TTC27: variants seen among roughly 807,000 people sequenced by gnomAD.
TTC27 encodes tetratricopeptide repeat protein 27.
In TTC27, 79 loss-of-function variants were observed where a neutral mutation model predicts 115.9. That is an observed-to-expected ratio of 0.68 (90% CI 0.57 to 0.82). The LOEUF (loss-of-function observed/expected upper bound fraction) is 0.82, where lower values mean the gene tolerates loss of function less well. TTC27 is among the 40% of genes least tolerant of loss of function. The probability of loss-of-function intolerance (pLI) is 0.00; values close to 1 mark genes in which losing one functional copy is unlikely to be tolerated. For missense variants in TTC27, 1,054 were observed against 993.1 expected (o/e 1.06, Z -0.82); for synonymous variants, 401 against 356.0 (o/e 1.13, Z -1.42).
intron 9 of TTC27, among the ~76,000 whole-genome samples, chr2:32,695,519 G>C (rs2151897088): frequency 6.6e-6 from 1 of 151,758 alleles, no homozygotes; most frequent in African/African-American, 2.4e-5. Flanking sequence ...AGGAGTTCAA[G>C]ACCAGCCTGG....
At chr2:32,736,915 C>A in intron 12 of TTC27, 99 bp downstream of exon 12, 1 of 1,400,902 alleles carries the variant, frequency 7.1e-7, no homozygotes, top group Non-Finnish European at 9.5e-7. Flanking sequence ...CCAATATTCA[C>A]TTATATTCCT....
chr2:32,659,958 C>T (rs1159821057), intron 5 of TTC27, among the ~76,000 whole-genome samples: 1 of 152,068 alleles, frequency 6.6e-6, no homozygotes, highest in Admixed American at 6.6e-5. Flanking sequence ...CTATTGTGAA[C>T]AGTGCTGCAG....
At chr2:32,759,810 T>C (rs1669372518) in intron 13 of TTC27, among the ~76,000 whole-genome samples, 1 of 152,242 alleles carries the variant, frequency 6.6e-6, no homozygotes, top group African/African-American at 2.4e-5. Flanking sequence ...TTATGATTTT[T>C]ACTAGGTAAC....
intron 6 of TTC27, among the ~76,000 whole-genome samples, chr2:32,666,234 C>G (rs1280624899): frequency 1.8e-4 from 27 of 152,172 alleles, no homozygotes; most frequent in Non-Finnish European, 1.2e-4. Context: ...GCTTTAAGCT[C>G]TGGTTCTGAT....
chr2:32,655,393 C>T (rs1369953380), intron 5 of TTC27, among the ~76,000 whole-genome samples: 3 of 152,166 alleles, frequency 2.0e-5, no homozygotes, highest in Admixed American at 2.0e-4. Context: ...GGGATCTTCT[C>T]ACCTCGGCCT....
intron 19 of TTC27, among the ~76,000 whole-genome samples, chr2:32,818,185 G>T (rs1331788594): frequency 6.6e-6 from 1 of 152,028 alleles, no homozygotes; most frequent in Non-Finnish European, 1.5e-5. Context: ...ATATGCTACT[G>T]GTAAACTTCT....
intron 8 of TTC27, among the ~76,000 whole-genome samples, chr2:32,672,641 A>G (rs1666053277): frequency 6.6e-6 from 1 of 152,246 alleles, no homozygotes; most frequent in African/African-American, 2.4e-5. Flanking sequence ...GGAATAGATT[A>G]TTAATAAAAT....
At chr2:32,800,607 C>T (rs1157642891) in intron 16 of TTC27, among the ~76,000 whole-genome samples, 3 of 152,152 alleles carry the variant, frequency 2.0e-5, no homozygotes, top group Admixed American at 2.0e-4. Flanking sequence ...AAGCAATTCT[C>T]CTGCCTCAGC....
At position 32,758,430 on chromosome 2, in the gene TTC27, C is replaced by T. The variant is rs751228170; in HGVS notation, c.1591C>T (p.Arg531Cys). The change falls in exon 13 of 20, where the codon CGC (arginine) becomes TGC (cysteine). Residue 531 changes from arginine to cysteine, a missense_variant. Arg to Cys is a radical substitution (Grantham distance 180). Coordinates refer to ENST00000317907, the MANE Select transcript of TTC27 (RefSeq NM_017735.5). ...CCGGTACCGCAGTGCTCGTGCTCAG[C>T]GCTCCAAAGCCCTCCTTCATCTTCG... The part of the protein sequence containing the change: ...LSRYRSARAQ[R>C]SKALLHLRNK... The T allele has an allele frequency of 1.4e-5, 22 of 1,614,044 alleles. No homozygotes were observed. The highest frequency in any genetic ancestry group is 8.9e-5 in the East Asian group (4 of 44,886).
At chr2:32,672,758 TTTAAC>T (rs1239309046) in intron 8 of TTC27, among the ~76,000 whole-genome samples, 2 of 152,252 alleles carry the variant, frequency 1.3e-5, no homozygotes, top group African/African-American at 4.8e-5. Flanking sequence ...TGGAAATAGT[TTTAAC>T]TTTTTTTTCT....
chr2:32,776,119 C>T (rs1301825526), intron 13 of TTC27, among the ~76,000 whole-genome samples: 1 of 152,186 alleles, frequency 6.6e-6, no homozygotes, highest in Non-Finnish European at 1.5e-5. Flanking sequence ...ATATATCCAT[C>T]CTCTTTTCAG....
intron 2 of TTC27, 114 bp downstream of exon 2, chr2:32,630,814 C>G: frequency 1.1e-6 from 1 of 944,566 alleles, no homozygotes; most frequent in South Asian, 2.1e-5. Flanking sequence ...ATATTTTACT[C>G]AAGACTCATG....
chr2:32,819,216 G>A (rs1671604188), intron 19 of TTC27, among the ~76,000 whole-genome samples: 1 of 152,104 alleles, frequency 6.6e-6, no homozygotes, highest in South Asian at 2.1e-4. Flanking sequence ...GACTTGAATA[G>A]TATTGTCTGT....
intron 7 of TTC27, 79 bp from the exon 8 acceptor site, chr2:32,672,193 A>G: frequency 5.1e-6 from 5 of 982,914 alleles, no homozygotes; most frequent in Non-Finnish European, 7.9e-6. Context: ...TATCCTTTCT[A>G]GCAATCTATT....
intron 7 of TTC27, among the ~76,000 whole-genome samples, chr2:32,668,818 G>A (rs536907055): frequency 8.8e-4 from 131 of 149,672 alleles, no homozygotes; most frequent in Non-Finnish European, 1.5e-3. Flanking sequence ...GGTGGCTCAC[G>A]CCTGTAATCC....
chr2:32,710,000 C>G (rs1271576579), intron 10 of TTC27, among the ~76,000 whole-genome samples: 1 of 152,138 alleles, frequency 6.6e-6, no homozygotes, highest in South Asian at 2.1e-4. Context: ...GTTGTTAAAG[C>G]TTCAGCCTTC....
intron 12 of TTC27, among the ~76,000 whole-genome samples, chr2:32,753,300 T>C: frequency 6.6e-6 from 1 of 152,092 alleles, no homozygotes; most frequent in South Asian, 2.1e-4. Flanking sequence ...AGTCGCATAG[T>C]GTCACTTTTA....
intron 13 of TTC27, chr2:32,766,479 G>A (rs1404857021): frequency 4.4e-6 from 2 of 457,010 alleles, no homozygotes; most frequent in Non-Finnish European, 4.5e-6. Context: ...GAAGCGGGAG[G>A]CCTGAGGAGA....
At chr2:32,723,503 G>A (rs77361423) in intron 10 of TTC27, among the ~76,000 whole-genome samples, 1,618 of 152,088 alleles carry the variant, frequency 0.011, 13 homozygotes, top group Middle Eastern at 0.021. Flanking sequence ...GAGGCCAAAC[G>A]GGTATACACC....
Sources: gnomAD v4.1 joint callset for allele counts (sites outside exome capture counted in the v4.1 genomes callset) on GRCh38, gnomAD v4.1.1 for gene constraint, MANE v1.5 for transcripts, NCBI Gene and HGNC (gene_info 2026-07-23, HGNC 2026-07-21) for gene names.